The following MAP3K3 variants were observed in gnomAD, a reference collection of about 807,000 sequenced individuals.
MAP3K3 encodes the protein mitogen-activated protein kinase kinase kinase 3.
Under a neutral mutation model 80.9 loss-of-function variants are expected in MAP3K3, and 12 were observed. The observed-to-expected ratio is 0.15, with a 90% CI of 0.10 to 0.24. MAP3K3 has a LOEUF of 0.24. MAP3K3 is among the 10% of genes least tolerant of loss of function. The pLI is 1.00. For missense variants in MAP3K3, 596 were observed against 834.7 expected, an observed-to-expected ratio of 0.71 and a Z score of 3.52; for synonymous variants, 272 against 307.1, an observed-to-expected ratio of 0.89 and a Z score of 1.19.
intron 6 of MAP3K3, among the ~76,000 whole-genome samples, chr17:63,670,314 G>C (rs549436656): frequency 6.6e-6 from 1 of 152,222 alleles, no homozygotes; most frequent in African/African-American, 2.4e-5. Context: ...TGGGCATGGT[G>C]GCTCACGCCT....
At position 63,691,170 on chromosome 17, in the gene MAP3K3, C is replaced by T. The variant is rs2035580778; in HGVS notation, c.1281C>T (p.Tyr427=). ...KNLQHERIVQ[Y]YGCLRDRAEK... ...TGCAGCATGAGCGCATCGTGCAGTA[C>T]TATGGCTGTCTGCGGGACCGCGCTG... Residue 427 remains tyrosine, a synonymous_variant, in exon 13 of 16, where the codon TAC becomes TAT. Transcript: ENST00000361733. The surrounding 1 kb of genome is among the most constrained non-coding windows in gnomAD (Gnocchi z 4.8). The T allele has an allele frequency of 1.2e-6, 2 of 1,614,216 alleles. No individual in the cohort carries two copies. Among genetic ancestry groups the T allele is most frequent in the Non-Finnish European group, 1.7e-6 (2 of 1,180,038 alleles).
At chr17:63,677,905 T>C (rs2035251211) in intron 6 of MAP3K3, among the ~76,000 whole-genome samples, 1 of 152,164 alleles carries the variant, frequency 6.6e-6, no homozygotes, top group South Asian at 2.1e-4. Flanking sequence ...TTAGCCTCCC[T>C]CCCACACCTG....
At chr17:63,684,390 C>G (rs2035404513) in intron 7 of MAP3K3, among the ~76,000 whole-genome samples, 1 of 152,168 alleles carries the variant, frequency 6.6e-6, no homozygotes, top group Non-Finnish European at 1.5e-5. Context: ...TAAAGCAATT[C>G]TCTCCGATGT....
chr17:63,634,728 G>T, intron 2 of MAP3K3: 1 of 1,613,800 alleles, frequency 6.2e-7, no homozygotes, highest in South Asian at 1.1e-5. Context: ...AACAGCAGCA[G>T]CTCAGCCCTT....
chr17:63,641,715 A>G (rs181503917), intron 2 of MAP3K3, among the ~76,000 whole-genome samples: 220 of 152,308 alleles, frequency 1.4e-3, no homozygotes, highest in African/African-American at 5.0e-3. Flanking sequence ...GCCTTGCTTC[A>G]GTGATTGGGG....
intron 1 of MAP3K3, among the ~76,000 whole-genome samples, chr17:63,632,207 G>T (rs1283534784): frequency 6.6e-6 from 1 of 152,134 alleles, no homozygotes; most frequent in African/African-American, 2.4e-5. Context: ...ACCATTAAAG[G>T]CCAGGCATGG....
chr17:63,655,138 A>G (rs1269814458), intron 4 of MAP3K3, among the ~76,000 whole-genome samples: 1 of 152,210 alleles, frequency 6.6e-6, no homozygotes, highest in South Asian at 2.1e-4. Context: ...AAACTTAACA[A>G]TCATGATGGA....
intron 3 of MAP3K3, among the ~76,000 whole-genome samples, chr17:63,650,660 G>GAA (rs2034632890): frequency 1.8e-5 from 1 of 56,712 alleles, no homozygotes; most frequent in Admixed American, 1.4e-4. Flanking sequence ...GTCTCTTATA[G>GAA]AGAGAGAGAG....
chr17:63,687,973 C>T (rs2035495342), intron 8 of MAP3K3, among the ~76,000 whole-genome samples: 2 of 151,692 alleles, frequency 1.3e-5, no homozygotes, highest in Non-Finnish European at 2.9e-5. Flanking sequence ...CTAGCTTTAT[C>T]TTTGAGCATA....
Position 63,689,755 on chromosome 17 carries a change from T to C in MAP3K3, c.1063+20T>C. The C allele has an allele frequency of 6.3e-7, 1 of 1,596,672 alleles. No individual in the cohort carries two copies. The highest frequency in any genetic ancestry group is 8.6e-7 in the Non-Finnish European group (1 of 1,168,848). On this transcript the variant is annotated intron_variant, in intron 11 of 15. Coordinates refer to ENST00000361733, the MANE Select transcript of MAP3K3 (RefSeq NM_002401.5). The surrounding 1 kb of genome is among the most constrained non-coding windows in gnomAD (Gnocchi z 4.3). ...CCAAGTGTGAGGAGCTGTCCCTGGC[T>C]AGGAGGAGACTGCCCAGGTGGTCTC...
At chr17:63,675,464 A>T (rs2035199506) in intron 6 of MAP3K3, among the ~76,000 whole-genome samples, 1 of 152,174 alleles carries the variant, frequency 6.6e-6, no homozygotes, top group Non-Finnish European at 1.5e-5. Context: ...TGCTATGAGA[A>T]GGGCTAGAAT....
rs537990954 is a variant in MAP3K3 at position 63,642,515 on chromosome 17, A to G, written c.127-3519A>G. Among the ~76,000 whole-genome samples the G allele has an allele frequency of 3.1e-4, 47 of 152,038 alleles. No individual in the cohort carries two copies. The South Asian group carries it at 8.7e-3, about 28-fold the overall frequency. On this transcript the variant is annotated intron_variant, in intron 2 of 15. Transcript: ENST00000361733. ...TCTACTAAAAATACAAAAATCATTC[A>G]GGCATGGTGGTGCATGCCTGTAATC...
rs376092350 is a variant in MAP3K3, at chr17:63,691,192, G to A, written c.1303G>A (p.Ala435Thr). Residue 435 changes from alanine to threonine, a missense_variant, in exon 13 of 16, where the codon GCT (alanine) becomes ACT (threonine). This residue lies in a region of MAP3K3 where 364 missense variants were observed against 588.9 expected (regional missense o/e 0.62). Transcript: ENST00000361733. The surrounding 1 kb of genome is among the most constrained non-coding windows in gnomAD (Gnocchi z 4.8). ...GTACTATGGCTGTCTGCGGGACCGC[G>A]CTGAGAAGACCCTGACCATCTTCAT... Reference protein sequence around the residue: ...VQYYGCLRDRAEKTLTIFMEY... With the variant: ...VQYYGCLRDRTEKTLTIFMEY... 44 of 1,614,072 alleles carry A rather than the reference G, an allele frequency of 2.7e-5. No homozygotes were observed. In the Admixed American group the frequency reaches 4.0e-4, roughly 15 times the overall value.
chr17:63,665,269 CCTT>C (rs1316090501), intron 5 of MAP3K3, among the ~76,000 whole-genome samples: 5 of 151,972 alleles, frequency 3.3e-5, no homozygotes, highest in Non-Finnish European at 4.4e-5. Flanking sequence ...AGGTTCATGC[CCTT>C]CTTCTGCCTC....
chr17:63,667,638 T>C (rs893966255), intron 6 of MAP3K3, among the ~76,000 whole-genome samples: 2 of 152,178 alleles, frequency 1.3e-5, no homozygotes, highest in Non-Finnish European at 2.9e-5. Flanking sequence ...GTCCCTGAAA[T>C]AAAATAGTGT....
At chr17:63,656,895 GA>G (rs1328364561) in intron 4 of MAP3K3, among the ~76,000 whole-genome samples, 1 of 152,082 alleles carries the variant, frequency 6.6e-6, no homozygotes, top group Non-Finnish European at 1.5e-5. Context: ...GAGGCCTCAG[GA>G]AACTTACAAT....
chr17:63,641,936 A>T (rs1043559355), intron 2 of MAP3K3, among the ~76,000 whole-genome samples: 3 of 152,204 alleles, frequency 2.0e-5, no homozygotes, highest in Admixed American at 2.0e-4. Context: ...AGAGTCACAG[A>T]AGTTGGAAAT....
chr17:63,626,113 G>A (rs1598055030), intron 1 of MAP3K3, among the ~76,000 whole-genome samples: 1 of 152,242 alleles, frequency 6.6e-6, no homozygotes, highest in Non-Finnish European at 1.5e-5. Context: ...TGAATTTTAG[G>A]CATCTGTAAA....
At chr17:63,639,644 C>T (rs970573177) in intron 2 of MAP3K3, among the ~76,000 whole-genome samples, 1 of 152,096 alleles carries the variant, frequency 6.6e-6, no homozygotes, top group African/African-American at 2.4e-5. Flanking sequence ...ATTTCTCTCC[C>T]TGCATTTGCT....
Sources: allele counts gnomAD v4.1 joint callset (sites outside exome capture counted in the v4.1 genomes callset), GRCh38; gene constraint gnomAD v4.1.1; regional missense constraint gnomAD v4.1.1; non-coding constraint Gnocchi (gnomAD v3.1); transcripts MANE v1.5; gene names NCBI Gene and HGNC (gene_info 2026-07-23, HGNC 2026-07-21).